The following PCDH15 variants were observed in gnomAD, a reference collection of about 807,000 sequenced individuals.
PCDH15 encodes protocadherin-15.
PCDH15 carries 129 observed loss-of-function variants against 178.5 expected under a neutral mutation model. That is an observed-to-expected ratio of 0.72 (90% CI 0.63 to 0.84). The LOEUF (loss-of-function observed/expected upper bound fraction) is 0.84, where lower values mean the gene tolerates loss of function less well. Among genes scored for constraint, PCDH15 ranks in the 40% least tolerant of loss-of-function variants. The pLI, the probability that PCDH15 is intolerant of heterozygous loss-of-function variation, is 0.00. For missense variants in PCDH15, 2,230 were observed against 2,099.9 expected (o/e 1.06, Z -1.21); for synonymous variants, 800 against 732.0 (o/e 1.09, Z -1.50).
intron 1 of PCDH15, among the ~76,000 whole-genome samples, chr10:54,737,959 A>G (rs1944329521): frequency 6.6e-6 from 1 of 152,088 alleles, no homozygotes; most frequent in Admixed American, 6.6e-5. Flanking sequence ...TGGCCAGGGT[A>G]GGAGTCACTG....
chr10:53,831,040 G>A, intron 30 of PCDH15: 1 of 636,760 alleles, frequency 1.6e-6, no homozygotes, highest in Non-Finnish European at 2.9e-6. Context: ...CAAAAGAAGA[G>A]CATAAACAAA....
chr10:55,251,909 C>A (rs1841847727), intron 1 of PCDH15, among the ~76,000 whole-genome samples: 2 of 151,954 alleles, frequency 1.3e-5, no homozygotes, highest in Middle Eastern at 3.4e-3. Context: ...AGGGTGTAGT[C>A]AAGGTTTACT....
chr10:55,554,279 T>C (rs1842048458), intron 2 of PCDH15, among the ~76,000 whole-genome samples: 1 of 152,036 alleles, frequency 6.6e-6, no homozygotes, highest in African/African-American at 2.4e-5. Flanking sequence ...TTCTTCGTTT[T>C]TGAAGGTATG....
chr10:54,748,863 T>C (rs895760888), intron 1 of PCDH15, among the ~76,000 whole-genome samples: 1 of 152,214 alleles, frequency 6.6e-6, no homozygotes, highest in Non-Finnish European at 1.5e-5. Flanking sequence ...TTATTCCAGA[T>C]GAGACAGATA....
intron 2 of PCDH15, among the ~76,000 whole-genome samples, chr10:54,586,369 G>C (rs764311136): frequency 2.6e-5 from 4 of 152,104 alleles, no homozygotes; most frequent in Non-Finnish European, 4.4e-5. Flanking sequence ...TTAACTTCAA[G>C]AGGTTTATTA....
At chr10:53,982,921 A>C (rs2134646604) in intron 21 of PCDH15, among the ~76,000 whole-genome samples, 1 of 152,202 alleles carries the variant, frequency 6.6e-6, no homozygotes, top group Middle Eastern at 3.4e-3. Context: ...TTAAACACAT[A>C]ATTATCAAGA....
chr10:54,247,551 T>C (rs765336227), intron 8 of PCDH15, among the ~76,000 whole-genome samples: 5 of 152,010 alleles, frequency 3.3e-5, no homozygotes, highest in Admixed American at 1.3e-4. Flanking sequence ...CTTCCTAAAT[T>C]GCTGCATTTA....
intron 2 of PCDH15, among the ~76,000 whole-genome samples, chr10:55,482,182 A>C (rs1840196834): frequency 1.3e-5 from 2 of 151,534 alleles, no homozygotes; most frequent in South Asian, 4.2e-4. Flanking sequence ...TGCTTGGTAG[A>C]TTTTCCTCCA....
Position 53,811,617 on chromosome 10 carries a change from T to G in PCDH15, c.4494A>C (p.Glu1498Asp), listed in dbSNP as rs143372640. ...LLRPSLLKPE[E>D]LSMESGIDPG... is the part of the protein sequence containing the mutation. ...GATCAATTCCAGACTCCATGGATAA[T>G]TCCTATTGTTCAAAAAGAAAAATTG... is the stretch of plus-strand genomic sequence containing the variant. Residue 1498 changes from glutamate to aspartate, a missense_variant and splice_region_variant, in exon 36 of 38, where the codon GAA becomes GAC. Transcript: ENST00000644397. 30 of 1,541,928 alleles carry G rather than the reference T, an allele frequency of 1.9e-5. No homozygotes were observed. In the East Asian group the frequency reaches 6.9e-4, roughly 35 times the overall value.
chr10:54,926,051 C>A (rs1051435296), intron 2 of PCDH15, among the ~76,000 whole-genome samples: 4 of 151,994 alleles, frequency 2.6e-5, no homozygotes, highest in African/African-American at 9.7e-5. Context: ...TGCTTTCAGT[C>A]TTTGCCTATT....
intron 6 of PCDH15, among the ~76,000 whole-genome samples, chr10:54,338,155 A>ATTT (rs1941551846): frequency 3.9e-5 from 6 of 152,176 alleles, no homozygotes; most frequent in Non-Finnish European, 8.8e-5. Context: ...TGAAACTTAA[A>ATTT]AGTCACAGCC....
chr10:53,870,964 A>C (rs1219592138), intron 26 of PCDH15, among the ~76,000 whole-genome samples: 2 of 152,114 alleles, frequency 1.3e-5, no homozygotes, highest in Admixed American at 6.5e-5. Context: ...ATAATTTTAA[A>C]CTTACTTTTT....
chr10:54,656,738 G>A (rs2135319338), intron 2 of PCDH15, among the ~76,000 whole-genome samples: 1 of 152,252 alleles, frequency 6.6e-6, no homozygotes, highest in Admixed American at 6.5e-5. Flanking sequence ...TACCCCTGGG[G>A]AATGGGGGTG....
At chr10:54,892,452 T>C (rs1259673108) in intron 3 of PCDH15, among the ~76,000 whole-genome samples, 5 of 151,366 alleles carry the variant, frequency 3.3e-5, no homozygotes, top group Non-Finnish European at 7.4e-5. Flanking sequence ...AAACACAGTA[T>C]CTAGTAAAGT....
chr10:55,220,528 G>T (rs1340072474), intron 1 of PCDH15, among the ~76,000 whole-genome samples: 3 of 151,992 alleles, frequency 2.0e-5, no homozygotes, highest in African/African-American at 7.3e-5. Flanking sequence ...AGCCCAGGTG[G>T]TATAGCCTAC....
At position 55,582,628 on chromosome 10, in the gene PCDH15, A is replaced by AT. The variant is rs1554800566; in HGVS notation, c.-156+44996dup. On this transcript the variant is annotated intron_variant, in intron 2 of 5. Transcript: ENST00000613346. ...TATATATATATATATATATATATAT[A>AT]TTTTTTTTTTTTTGCTATATTTGAT... Among the ~76,000 whole-genome samples the AT allele has an allele frequency of 2.8e-3, 190 of 69,030 alleles. 1 individual carries two copies. The highest frequency in any genetic ancestry group is 9.6e-3 in the Middle Eastern group (1 of 104). 45.3% of individuals were successfully genotyped at this position (69,030 alleles called of 152,430 possible). A position where few individuals can be genotyped will look rare whatever the true frequency, so the allele number is the denominator to read the frequency against.
chr10:54,901,961 A>T (rs1454980526), intron 2 of PCDH15, among the ~76,000 whole-genome samples: 2 of 147,634 alleles, frequency 1.4e-5, no homozygotes, highest in South Asian at 2.2e-4. Context: ...TATATTTATT[A>T]AGCAAATTTA....
intron 2 of PCDH15, among the ~76,000 whole-genome samples, chr10:55,125,078 C>T (rs943321157): frequency 6.6e-6 from 1 of 151,616 alleles, no homozygotes; most frequent in Non-Finnish European, 1.5e-5. Context: ...TATCTAGAAC[C>T]AGCCATTAAA....
intron 2 of PCDH15, among the ~76,000 whole-genome samples, chr10:55,341,551 T>C (rs1844555797): frequency 6.7e-6 from 1 of 149,640 alleles, no homozygotes; most frequent in Non-Finnish European, 1.5e-5. Context: ...CTATTATTTT[T>C]TCTCATATTC....
Sources: gnomAD v4.1 joint callset for allele counts (sites outside exome capture counted in the v4.1 genomes callset) on GRCh38, gnomAD v4.1.1 for gene constraint, MANE v1.5 for transcripts, NCBI Gene and HGNC (gene_info 2026-07-23, HGNC 2026-07-21) for gene names.